The following ANTXRL variants were observed in gnomAD, a reference collection of about 807,000 sequenced individuals.
ANTXRL encodes the protein ANTXR like, also known as anthrax toxin receptor-like.
A neutral mutation model predicts 75.4 loss-of-function variants in ANTXRL; 63 were observed. The observed-to-expected ratio is 0.84, with a 90% CI of 0.68 to 1.03. The LOEUF is 1.03. Ranked by LOEUF, ANTXRL falls within the 50% of genes least tolerant of loss-of-function variation. ANTXRL has a pLI of 0.00. For synonymous variants in ANTXRL, 335 were observed against 291.3 expected (o/e 1.15, Z -1.53); for missense variants, 797 against 789.4 (o/e 1.01, Z -0.12).
chr10:46,289,980 G>C (rs1554956080), intron 1 of ANTXRL, among the ~76,000 whole-genome samples: 2 of 150,714 alleles, frequency 1.3e-5, no homozygotes, highest in African/African-American at 2.4e-5. Context: ...GCATCCATCA[G>C]AATTTCATCC....
At chr10:46,302,340 A>C (rs1357557836) in intron 9 of ANTXRL, among the ~76,000 whole-genome samples, 1 of 152,068 alleles carries the variant, frequency 6.6e-6, no homozygotes, top group Non-Finnish European at 1.5e-5. Context: ...CTCCGCTTAC[A>C]CCTGACATCA....
At chr10:46,314,012 C>T (rs1399330020) in intron 16 of ANTXRL, among the ~76,000 whole-genome samples, 1 of 152,198 alleles carries the variant, frequency 6.6e-6, no homozygotes, top group Non-Finnish European at 1.5e-5. Context: ...GCCTGGGACT[C>T]ATCTGCCTGT....
In ANTXRL at chr10:46,287,139, G is replaced by C. The variant is rs1340028191; in HGVS notation, c.-124G>C. ...GGGCCATAGTGTGCACTGGTGAAAG[G>C]GCAGGAGGAGGGGTGTGGCCCCGGG... On this transcript the variant is annotated 5_prime_UTR_variant, in exon 1 of 17. Transcript: ENST00000620264. 7.8e-7 allele frequency: 1 copy of C among 1,274,002 alleles called. No individual in the cohort carries two copies. The highest frequency in any genetic ancestry group is 1.5e-5 in the African/African-American group (1 of 66,364). The allele number at this position is 1,274,002 out of a possible 1,614,324, so 78.9% of individuals were successfully genotyped here.
chr10:46,300,974 C>T (rs1311984666), intron 9 of ANTXRL, among the ~76,000 whole-genome samples: 4 of 150,462 alleles, frequency 2.7e-5, no homozygotes, highest in Admixed American at 6.6e-5. Flanking sequence ...GGCCATGTTC[C>T]TTTATCTCTC....
intron 15 of ANTXRL, 126 bp downstream of exon 15, chr10:46,311,791 G>A (rs1406921903): frequency 4.8e-4 from 270 of 562,254 alleles, no homozygotes; most frequent in Non-Finnish European, 7.8e-4. Context: ...GCTGGACTTT[G>A]GACACTTGAT....
Position 46,296,979 on chromosome 10 carries a change from G to A in ANTXRL, c.509-273G>A, listed in dbSNP as rs73289390. ...GGTGGTGCAGGTCGCTAGTGGGTGA[G>A]GGTTCAGGCAGCCTGGTGTGAAAGA... is the stretch of plus-strand genomic sequence containing the variant. On this transcript the variant is annotated intron_variant, in intron 5 of 16. Coordinates refer to ENST00000620264, the MANE Select transcript of ANTXRL (RefSeq NM_001278688.3). Among the ~76,000 whole-genome samples the A allele has an allele frequency of 4.2e-3, 646 of 152,280 alleles. 4 individuals are homozygous for A. Among genetic ancestry groups the A allele is most frequent in the African/African-American group, 0.015 (614 of 41,540 alleles).
chr10:46,296,397 C>T, intron 5 of ANTXRL, 145 bp downstream of exon 5: 5 of 875,868 alleles, frequency 5.7e-6, no homozygotes, highest in Non-Finnish European at 8.8e-6. Context: ...GCTCCAGGTC[C>T]CTCCCTGGTG....
intron 16 of ANTXRL, among the ~76,000 whole-genome samples, chr10:46,316,297 T>C (rs563254129): frequency 1.3e-5 from 2 of 152,198 alleles, no homozygotes; most frequent in East Asian, 3.9e-4. Flanking sequence ...CTGCCATTCA[T>C]ATAGATCTTA....
Position 46,311,646 on chromosome 10 carries a change from G to A in ANTXRL, c.1310G>A (p.Gly437Asp). Residue 437 changes from glycine (G) to aspartate (D), a missense_variant, in exon 15 of 17, where the codon GGC becomes GAC. By Grantham distance (94) the Gly-to-Asp change is moderately conservative. Transcript: ENST00000620264. The part of the protein sequence containing the change: ...IICCCGCQGV[G>D]GMRRIEGNLD... ...TGTTGCTGTGGATGCCAAGGAGTGG[G>A]CGGGATGAGAAGGATAGAGGTGAGA... The A allele has an allele frequency of 8.5e-7, 1 of 1,176,024 alleles. No homozygotes were observed. Among genetic ancestry groups the A allele is most frequent in the East Asian group, 2.6e-5 (1 of 39,188 alleles). 72.8% of individuals were successfully genotyped at this position (1,176,024 alleles called of 1,614,324 possible).
chr10:46,314,499 GAAAGGCA>G (rs1838612341), intron 16 of ANTXRL, among the ~76,000 whole-genome samples: 1 of 152,044 alleles, frequency 6.6e-6, no homozygotes, highest in South Asian at 2.1e-4. Context: ...TCAAGCAGAG[GAAAGGCA>G]AGAGGTGGGA....
In ANTXRL at chr10:46,287,414, A is replaced by AC. The variant is rs1554955519; in HGVS notation, c.154dup (p.His52ProfsTer25). The stretch of plus-strand genomic sequence containing the variant: ...CTGGCCCTGGGCTCCAGGAGAGCCC[A>AC]CCACCACCATGGCCCAGGATGGAGG... On this transcript the variant is annotated frameshift_variant, in exon 1 of 17. Transcript: ENST00000620264. LOFTEE classifies it high-confidence loss of function. The AC allele has an allele frequency of 6.5e-7, 1 of 1,535,828 alleles. No homozygotes were observed. The highest frequency in any genetic ancestry group is 1.2e-5 in the South Asian group (1 of 84,044).
chr10:46,327,502 G>A (rs1839280699), intron 16 of ANTXRL, among the ~76,000 whole-genome samples: 1 of 152,110 alleles, frequency 6.6e-6, no homozygotes, highest in East Asian at 1.9e-4. Flanking sequence ...TCAGGACAGG[G>A]TCTGAGGGGG....
chr10:46,287,904 G>A (rs4644590), intron 1 of ANTXRL, among the ~76,000 whole-genome samples: 95,497 of 151,826 alleles, frequency 0.63, 29,694 homozygotes, highest in Non-Finnish European at 0.67. Context: ...TCACGCAAAT[G>A]ACTTCTATTT....
At chr10:46,288,278 T>TC (rs1470355114) in intron 1 of ANTXRL, among the ~76,000 whole-genome samples, 1 of 152,050 alleles carries the variant, frequency 6.6e-6, no homozygotes, top group Non-Finnish European at 1.5e-5. Flanking sequence ...CCAAAGCCCT[T>TC]CCCCTGCACT....
chr10:46,287,090 C>G lies in ANTXRL; in HGVS notation c.-173C>G, dbSNP rs1429113797. On this transcript the variant is annotated 5_prime_UTR_variant, in exon 1 of 17. Coordinates refer to ENST00000620264, the MANE Select transcript of ANTXRL (RefSeq NM_001278688.3). ...AGCCAGCTGCTGACCCTAGTCCCTG[C>G]GATCTGGGGAGGTACCTGGTGGAGG... is the stretch of plus-strand genomic sequence containing the variant. 3.2e-5 allele frequency: 27 copies of G among 832,024 alleles called. No homozygotes were observed. The Admixed American group carries it at 5.9e-4, about 18-fold the overall frequency. The allele number at this position is 832,024 out of a possible 1,614,324, so 51.5% of individuals were successfully genotyped here.
At chr10:46,287,806 G>C (rs1390562180) in intron 1 of ANTXRL, among the ~76,000 whole-genome samples, 14 of 152,176 alleles carry the variant, frequency 9.2e-5, no homozygotes, top group Admixed American at 2.0e-4. Context: ...TGCTGCAACA[G>C]ATGATTGCTC....
chr10:46,293,958 C>T, intron 3 of ANTXRL, 58 bp downstream of exon 3: 1 of 1,492,830 alleles, frequency 6.7e-7, no homozygotes, highest in Non-Finnish European at 9.0e-7. Flanking sequence ...GAGGGAGCTC[C>T]AGGGAGCTGA....
chr10:46,305,676 T>G (rs1838035934), intron 10 of ANTXRL, among the ~76,000 whole-genome samples: 1 of 152,080 alleles, frequency 6.6e-6, no homozygotes, highest in Admixed American at 6.5e-5. Context: ...GAAAAGGGTG[T>G]GGGCTCAGGA....
intron 2 of ANTXRL, among the ~76,000 whole-genome samples, chr10:46,292,460 G>T (rs7475977): frequency 6.6e-6 from 1 of 152,008 alleles, no homozygotes; most frequent in East Asian, 1.9e-4. Context: ...GTTCAAGTAG[G>T]GGGCAAAGAA....
Sources: gnomAD v4.1 joint callset for allele counts (sites outside exome capture counted in the v4.1 genomes callset) on GRCh38, gnomAD v4.1.1 for gene constraint, MANE v1.5 for transcripts, NCBI Gene and HGNC (gene_info 2026-07-23, HGNC 2026-07-21) for gene names.